FNDC3A: variants seen among roughly 807,000 people sequenced by gnomAD.
FNDC3A encodes fibronectin type III domain containing 3A.
In FNDC3A, 32 loss-of-function variants were observed where a neutral mutation model predicts 148.9. The observed-to-expected ratio is 0.21, with a 90% CI of 0.16 to 0.29. The LOEUF (loss-of-function observed/expected upper bound fraction) is 0.29, where lower values mean the gene tolerates loss of function less well. Among genes scored for constraint, FNDC3A ranks in the 10% least tolerant of loss-of-function variants. The pLI is 1.00. For missense variants in FNDC3A, 1,191 were observed against 1,452.8 expected (o/e 0.82, Z 2.93); for synonymous variants, 472 against 473.6 (o/e 1.00, Z 0.04).
chr13:48,990,774 A>G (rs966794016), intron 1 of FNDC3A, among the ~76,000 whole-genome samples: 1 of 152,110 alleles, frequency 6.6e-6, no homozygotes, highest in Non-Finnish European at 1.5e-5. Context: ...AAAAATGACA[A>G]CATGAGGTTT....
intron 2 of FNDC3A, among the ~76,000 whole-genome samples, chr13:49,048,696 A>G (rs1487197746): frequency 6.6e-6 from 1 of 152,128 alleles, no homozygotes; most frequent in East Asian, 1.9e-4. Flanking sequence ...GAATTCATCT[A>G]CAGTTCTAGG....
chr13:49,049,787 T>C (rs1393640246), intron 2 of FNDC3A, among the ~76,000 whole-genome samples: 1 of 152,182 alleles, frequency 6.6e-6, no homozygotes, highest in Non-Finnish European at 1.5e-5. Flanking sequence ...TGGCGTGATC[T>C]CAGCTCACTG....
chr13:48,980,011 A>G (rs952210781), intron 1 of FNDC3A, among the ~76,000 whole-genome samples: 3 of 151,984 alleles, frequency 2.0e-5, no homozygotes, highest in African/African-American at 7.3e-5. Flanking sequence ...CATCTTGTCT[A>G]TATGGTGGTT....
At chr13:49,175,934 T>C (rs2138065554) in intron 13 of FNDC3A, among the ~76,000 whole-genome samples, 1 of 152,332 alleles carries the variant, frequency 6.6e-6, no homozygotes, top group East Asian at 1.9e-4. Context: ...CAAAGGCCTT[T>C]TCTGCATCTA....
At chr13:49,181,399 C>T (rs1399569326) in intron 14 of FNDC3A, among the ~76,000 whole-genome samples, 12 of 152,218 alleles carry the variant, frequency 7.9e-5, no homozygotes, top group Non-Finnish European at 8.8e-5. Context: ...CCCTGCCCCT[C>T]CCCACCCCCA....
At chr13:49,189,341 A>G (rs1375519090) in intron 17 of FNDC3A, among the ~76,000 whole-genome samples, 1 of 151,380 alleles carries the variant, frequency 6.6e-6, no homozygotes, top group African/African-American at 2.4e-5. Flanking sequence ...CCCCACCACA[A>G]CTGGCTAATT....
intron 3 of FNDC3A, among the ~76,000 whole-genome samples, chr13:49,103,020 C>T (rs895722480): frequency 1.3e-5 from 2 of 152,186 alleles, no homozygotes; most frequent in African/African-American, 4.8e-5. Context: ...GCTTAGGTGA[C>T]ATTGCTTAAG....
intron 10 of FNDC3A, among the ~76,000 whole-genome samples, chr13:49,171,221 T>C (rs775192198): frequency 2.0e-5 from 3 of 152,186 alleles, no homozygotes; most frequent in Non-Finnish European, 4.4e-5. Flanking sequence ...TCCATGTTCA[T>C]CTGTATTAAA....
chr13:49,207,976 T>A lies in FNDC3A; in HGVS notation c.*581T>A, dbSNP rs1886732100. 1 of 152,606 alleles carries A rather than the reference T, an allele frequency of 6.6e-6. No homozygotes were observed. The highest frequency in any genetic ancestry group is 2.1e-4 in the South Asian group (1 of 4,834). The allele number at this position is 152,606 out of a possible 1,614,324, so 9.5% of individuals were successfully genotyped here. On this transcript the variant is annotated 3_prime_UTR_variant, in exon 26 of 26. Coordinates refer to ENST00000492622, the MANE Select transcript of FNDC3A (RefSeq NM_001079673.2). The stretch of plus-strand genomic sequence containing the variant: ...CATGAAGAAAAGCTTCTTTGATAAA[T>A]GTGGAGTTCTTCATTATAAATATAT...
At chr13:49,006,332 T>C (rs745988622) in intron 2 of FNDC3A, 43 bp downstream of exon 2, 13 of 1,109,578 alleles carry the variant, frequency 1.2e-5, no homozygotes, top group Admixed American at 3.9e-5. Flanking sequence ...CTAATACACA[T>C]GTATTTATGC....
At chr13:49,078,207 C>T (rs1387278746) in intron 3 of FNDC3A, among the ~76,000 whole-genome samples, 3 of 152,206 alleles carry the variant, frequency 2.0e-5, no homozygotes, top group African/African-American at 4.8e-5. Flanking sequence ...TTATAAGTAG[C>T]TTATATTTCA....
intron 2 of FNDC3A, among the ~76,000 whole-genome samples, chr13:49,069,414 C>T (rs983451121): frequency 6.6e-6 from 1 of 152,084 alleles, no homozygotes; most frequent in African/African-American, 2.4e-5. Flanking sequence ...TCACCCTTCC[C>T]GTGTTCCCCC....
chr13:49,192,022 A>G (rs1885912846), intron 19 of FNDC3A, among the ~76,000 whole-genome samples: 1 of 152,104 alleles, frequency 6.6e-6, no homozygotes, highest in African/African-American at 2.4e-5. Context: ...TAAGCTACAA[A>G]CCTTAGTTTG....
At chr13:49,186,981 G>T (rs575904355) in intron 15 of FNDC3A, 141 bp from the exon 16 acceptor site, 14 of 525,580 alleles carry the variant, frequency 2.7e-5, no homozygotes, top group African/African-American at 2.1e-4. Flanking sequence ...CAACAGCATG[G>T]AGTAATTGGG....
At chr13:49,145,668 T>A in intron 7 of FNDC3A, 110 bp from the exon 8 acceptor site, 1 of 837,902 alleles carries the variant, frequency 1.2e-6, no homozygotes, top group Non-Finnish European at 1.9e-6. Flanking sequence ...CCATTTTATC[T>A]ATATAAACAG....
chr13:49,157,613 C>G (rs983004050), intron 8 of FNDC3A, among the ~76,000 whole-genome samples: 10 of 151,254 alleles, frequency 6.6e-5, no homozygotes, highest in Non-Finnish European at 1.2e-4. Context: ...TTTAGAGTTT[C>G]CACTTTTTCT....
chr13:49,015,091 A>T (rs1330137761), intron 2 of FNDC3A, among the ~76,000 whole-genome samples: 15 of 152,052 alleles, frequency 9.9e-5, no homozygotes, highest in Admixed American at 3.9e-4. Context: ...GTCTCTTTTT[A>T]GGTTCCATAT....
At chr13:49,020,361 C>G (rs1873229270) in intron 2 of FNDC3A, among the ~76,000 whole-genome samples, 1 of 152,114 alleles carries the variant, frequency 6.6e-6, no homozygotes, top group South Asian at 2.1e-4. Context: ...AAAATTTCCC[C>G]AGGATTTTCT....
chr13:49,151,269 G>A (rs555234431), intron 8 of FNDC3A, among the ~76,000 whole-genome samples: 4 of 152,164 alleles, frequency 2.6e-5, no homozygotes, highest in Non-Finnish European at 2.9e-5. Flanking sequence ...GTGCTCCAGT[G>A]TTGGGTACAT....
Sources: allele counts gnomAD v4.1 joint callset (sites outside exome capture counted in the v4.1 genomes callset), GRCh38; gene constraint gnomAD v4.1.1; transcripts MANE v1.5; gene names NCBI Gene and HGNC (gene_info 2026-07-23, HGNC 2026-07-21).